ROBO2: variants seen among roughly 807,000 people sequenced by gnomAD.
The protein encoded by ROBO2 is roundabout guidance receptor 2, also known as roundabout homolog 2.
ROBO2 carries 53 observed loss-of-function variants against 160.8 expected under a neutral mutation model. The ratio of observed to expected loss-of-function variants is 0.33; its 90% confidence interval spans 0.26 to 0.41. The LOEUF (loss-of-function observed/expected upper bound fraction) is 0.41. Among genes scored for constraint, ROBO2 ranks in the 10% least tolerant of loss-of-function variants. ROBO2 has a pLI of 1.00. For synonymous variants in ROBO2, 664 were observed against 611.7 expected (o/e 1.09, Z -1.26); for missense variants, 1,577 against 1,722.4 (o/e 0.92, Z 1.49).
At chr3:77,032,258 G>A (rs1281686605) in intron 2 of ROBO2, among the ~76,000 whole-genome samples, 1 of 152,044 alleles carries the variant, frequency 6.6e-6, no homozygotes, top group Admixed American at 6.6e-5. Context: ...GCCTATCCTG[G>A]GTGATTCTGT....
intron 2 of ROBO2, among the ~76,000 whole-genome samples, chr3:76,546,178 C>G (rs2083086960): frequency 6.6e-6 from 1 of 151,716 alleles, no homozygotes; most frequent in Non-Finnish European, 1.5e-5. Flanking sequence ...AGTATAAATC[C>G]AAAATATTTC....
intron 24 of ROBO2, among the ~76,000 whole-genome samples, chr3:77,640,426 T>C (rs930828988): frequency 3.3e-5 from 5 of 152,198 alleles, no homozygotes; most frequent in African/African-American, 9.6e-5. Flanking sequence ...ATATTTTATA[T>C]AGGATGATCT....
At chr3:76,151,591 A>G (rs1448875588) in intron 2 of ROBO2, among the ~76,000 whole-genome samples, 2 of 152,062 alleles carry the variant, frequency 1.3e-5, no homozygotes, top group Non-Finnish European at 2.9e-5. Flanking sequence ...CCCATATGCT[A>G]TTGCTTTATA....
At chr3:76,057,350 A>G (rs2067883799) in intron 2 of ROBO2, among the ~76,000 whole-genome samples, 1 of 152,174 alleles carries the variant, frequency 6.6e-6, no homozygotes, top group Admixed American at 6.5e-5. Flanking sequence ...CCTCAGGAGG[A>G]ACAAAGCTTC....
chr3:75,916,754 G>T (rs1946825663), intron 1 of ROBO2, among the ~76,000 whole-genome samples: 1 of 151,808 alleles, frequency 6.6e-6, no homozygotes, highest in Non-Finnish European at 1.5e-5. Flanking sequence ...GATAAAGGGG[G>T]AGATAATGGT....
At chr3:77,445,419 A>G (rs1463374846) in intron 2 of ROBO2, among the ~76,000 whole-genome samples, 3 of 152,046 alleles carry the variant, frequency 2.0e-5, no homozygotes, top group East Asian at 3.9e-4. Context: ...TCCTCATAAA[A>G]TACTTCCCTA....
intron 2 of ROBO2, among the ~76,000 whole-genome samples, chr3:77,320,477 T>C (rs1308264471): frequency 6.6e-6 from 1 of 152,084 alleles, no homozygotes; most frequent in Non-Finnish European, 1.5e-5. Flanking sequence ...TCAAGGCAAA[T>C]TATAGATTTC....
intron 1 of ROBO2, among the ~76,000 whole-genome samples, chr3:77,045,137 A>G (rs761956758): frequency 1.3e-5 from 2 of 152,098 alleles, no homozygotes; most frequent in Non-Finnish European, 2.9e-5. Flanking sequence ...AAGAATTACT[A>G]TATAAAGAAT....
chr3:76,285,914 C>T (rs556175024), intron 2 of ROBO2, among the ~76,000 whole-genome samples: 7 of 152,142 alleles, frequency 4.6e-5, no homozygotes, highest in South Asian at 2.1e-4. Flanking sequence ...AAATGTAATC[C>T]GCACCCATAC....
At chr3:76,275,176 T>G (rs563304853) in intron 2 of ROBO2, among the ~76,000 whole-genome samples, 1 of 152,288 alleles carries the variant, frequency 6.6e-6, no homozygotes, top group African/African-American at 2.4e-5. Flanking sequence ...TTCAATAATA[T>G]CAGGTGAATT....
chr3:76,477,175 T>C (rs1445615717), intron 2 of ROBO2, among the ~76,000 whole-genome samples: 2 of 152,212 alleles, frequency 1.3e-5, no homozygotes, highest in African/African-American at 4.8e-5. Context: ...AGGTGAATTC[T>C]TCTGCTGCTG....
chr3:76,933,168 T>C (rs1314852216), intron 2 of ROBO2, among the ~76,000 whole-genome samples: 1 of 152,216 alleles, frequency 6.6e-6, no homozygotes, highest in Non-Finnish European at 1.5e-5. Flanking sequence ...CTTTCCCAAG[T>C]CTCATTAGTT....
At chr3:76,685,198 T>G (rs1315127805) in intron 2 of ROBO2, among the ~76,000 whole-genome samples, 1 of 148,822 alleles carries the variant, frequency 6.7e-6, no homozygotes, top group East Asian at 1.9e-4. Flanking sequence ...TTGTGTTTTT[T>G]TTTTTTTTTT....
chr3:77,374,247 T>C (rs2153479570), intron 2 of ROBO2, among the ~76,000 whole-genome samples: 1 of 148,114 alleles, frequency 6.8e-6, no homozygotes, highest in Non-Finnish European at 1.5e-5. Context: ...AATACAGTCT[T>C]TAAAATTATT....
chr3:76,722,726 T>C (rs2093484874), intron 2 of ROBO2, among the ~76,000 whole-genome samples: 1 of 152,232 alleles, frequency 6.6e-6, no homozygotes, highest in Admixed American at 6.5e-5. Context: ...TGATCTTTTG[T>C]GAATGGCTTC....
At chr3:76,552,909 G>A (rs2083498466) in intron 2 of ROBO2, among the ~76,000 whole-genome samples, 2 of 152,080 alleles carry the variant, frequency 1.3e-5, no homozygotes, top group African/African-American at 2.4e-5. Flanking sequence ...AAATAACTTT[G>A]GACTTTATTT....
At chr3:77,357,949 T>C (rs560938310) in intron 2 of ROBO2, among the ~76,000 whole-genome samples, 2 of 152,332 alleles carry the variant, frequency 1.3e-5, no homozygotes, top group African/African-American at 2.4e-5. Context: ...TTTTCACTTT[T>C]GAACTGGTAG....
chr3:76,454,520 G>C (rs1389910294), intron 2 of ROBO2, among the ~76,000 whole-genome samples: 2 of 152,068 alleles, frequency 1.3e-5, no homozygotes, highest in African/African-American at 4.8e-5. Flanking sequence ...TTAGAACGTT[G>C]GGGTAAGATC....
At chr3:77,347,837 T>G (rs1162854858) in intron 2 of ROBO2, among the ~76,000 whole-genome samples, 3 of 152,108 alleles carry the variant, frequency 2.0e-5, no homozygotes, top group African/African-American at 7.2e-5. Context: ...TTCACCTTCT[T>G]GCCCAAATCC....
Sources: gnomAD v4.1 joint callset for allele counts (sites outside exome capture counted in the v4.1 genomes callset) on GRCh38, gnomAD v4.1.1 for gene constraint, MANE v1.5 for transcripts, NCBI Gene and HGNC (gene_info 2026-07-23, HGNC 2026-07-21) for gene names.